Variants in TP73 observed in about 807,000 individuals in gnomAD.
TP73 encodes p53-like transcription factor.
A neutral mutation model predicts 62.5 loss-of-function variants in TP73; 25 were observed. That is an observed-to-expected ratio of 0.40 (90% CI 0.29 to 0.56). The LOEUF (loss-of-function observed/expected upper bound fraction) is 0.56, where lower values mean the gene tolerates loss of function less well. Among genes scored for constraint, TP73 ranks in the 20% least tolerant of loss-of-function variants. The pLI is 0.46. For missense variants in TP73, 754 were observed against 913.3 expected (o/e 0.83, Z 2.25); for synonymous variants, 423 against 377.5 (o/e 1.12, Z -1.40).
At chr1:3,676,159 C>G (rs144448250) in intron 1 of TP73, among the ~76,000 whole-genome samples, 1 of 121,918 alleles carries the variant, frequency 8.2e-6, no homozygotes, top group African/African-American at 3.2e-5. Flanking sequence ...GACAGGAGGA[C>G]GGGGACAGGG....
intron 4 of TP73, chr1:3,714,321 G>A (rs927351664): frequency 6.6e-6 from 1 of 152,362 alleles, no homozygotes; most frequent in South Asian, 2.1e-4. Flanking sequence ...GAGACTCCGG[G>A]ACTGTCCTGT....
chr1:3,685,182 C>T (rs371359359), intron 3 of TP73, among the ~76,000 whole-genome samples: 4 of 152,286 alleles, frequency 2.6e-5, no homozygotes, highest in Middle Eastern at 6.8e-3. Context: ...CACCCTGTGT[C>T]GGGAGGAGGA....
intron 4 of TP73, among the ~76,000 whole-genome samples, chr1:3,712,771 G>A (rs566124507): frequency 6.6e-6 from 1 of 152,168 alleles, no homozygotes; most frequent in Non-Finnish European, 1.5e-5. Flanking sequence ...TTTTACAGAT[G>A]AGGAAACTGA....
intron 6 of TP73, among the ~76,000 whole-genome samples, chr1:3,725,076 A>C (rs904525204): frequency 1.7e-4 from 26 of 152,088 alleles, no homozygotes; most frequent in Admixed American, 9.2e-4. Context: ...ATCCCTGGGA[A>C]ACAGGAGTGT....
In TP73 at chr1:3,734,049, G is replaced by C. The variant is rs1484343382; in HGVS notation, c.*970G>C. The C allele has an allele frequency of 1.3e-5, 2 of 152,098 alleles. No individual in the cohort carries two copies. The highest frequency in any genetic ancestry group is 4.8e-5 in the African/African-American group (2 of 41,388). The allele number at this position is 152,098 out of a possible 1,614,324, so 9.4% of individuals were successfully genotyped here. ...GGACTTGTTCCCAGGAAGGCCGGGTGGGGAGGAAGCCTAGAGGGAACCCCA... is the reference window on the plus strand; with the variant it reads ...GGACTTGTTCCCAGGAAGGCCGGGTCGGGAGGAAGCCTAGAGGGAACCCCA... On this transcript the variant is annotated 3_prime_UTR_variant, in exon 14 of 14. Transcript: ENST00000378295. The surrounding 1 kb of genome is among the most constrained non-coding windows in gnomAD (Gnocchi z 4.4).
At chr1:3,707,057 C>T (rs55657548) in intron 3 of TP73, among the ~76,000 whole-genome samples, 20,305 of 152,188 alleles carry the variant, frequency 0.13, 1,545 homozygotes, top group Non-Finnish European at 0.17. Context: ...TGGTCTCCAG[C>T]ACCTCAGGGG....
chr1:3,664,248 C>G (rs755161), intron 1 of TP73, among the ~76,000 whole-genome samples: 40,408 of 151,996 alleles, frequency 0.27, 5,593 homozygotes, highest in East Asian at 0.36. Context: ...TGTCCCCCTA[C>G]CAGAGGCGCT....
intron 4 of TP73, among the ~76,000 whole-genome samples, chr1:3,718,402 C>G (rs550905409): frequency 6.6e-6 from 1 of 152,312 alleles, no homozygotes; most frequent in African/African-American, 2.4e-5. Context: ...TCACCCTGCC[C>G]GGAGACCCAG....
At chr1:3,729,060 T>C (rs952080928) in intron 9 of TP73, among the ~76,000 whole-genome samples, 2 of 151,910 alleles carry the variant, frequency 1.3e-5, no homozygotes, top group African/African-American at 4.8e-5. Flanking sequence ...TATCTGTTGG[T>C]AGGGGAGGAA....
chr1:3,673,129 G>A (rs1039835823), intron 1 of TP73, among the ~76,000 whole-genome samples: 1 of 152,250 alleles, frequency 6.6e-6, no homozygotes, highest in Non-Finnish European at 1.5e-5. Flanking sequence ...GGCACTACCC[G>A]TTTCGAGGAC....
intron 1 of TP73, among the ~76,000 whole-genome samples, chr1:3,673,947 A>G (rs1645301843): frequency 6.6e-6 from 1 of 152,146 alleles, no homozygotes; most frequent in Non-Finnish European, 1.5e-5. Context: ...AGGTCAGGCC[A>G]GGGTAGAGCC....
rs116313323 is a variant in TP73, at chr1:3,732,669, G to A, written c.1579-78G>A. On this transcript the variant is annotated intron_variant, in intron 13 of 13. Transcript: ENST00000378295. Reference sequence around the variant, plus strand: ...TAGGGGCCAGGGTGTGGTGTGGCCAGACCTCCAGGCCCAGGGCGACCCCCC... The same window carrying A: ...TAGGGGCCAGGGTGTGGTGTGGCCAAACCTCCAGGCCCAGGGCGACCCCCC... 1.4e-4 allele frequency: 192 copies of A among 1,349,920 alleles called. No individual in the cohort carries two copies. The South Asian group carries it at 2.2e-3, about 16-fold the overall frequency. The allele number at this position is 1,349,920 out of a possible 1,614,324, so 83.6% of individuals were successfully genotyped here.
At chr1:3,653,410 T>G (rs1297817521) in intron 1 of TP73, among the ~76,000 whole-genome samples, 1 of 152,228 alleles carries the variant, frequency 6.6e-6, no homozygotes. Context: ...GAGCGATGAT[T>G]ACCTTTGCTC....
intron 3 of TP73, among the ~76,000 whole-genome samples, chr1:3,705,408 G>A (rs1165663374): frequency 7.9e-5 from 12 of 152,380 alleles, no homozygotes; most frequent in South Asian, 4.1e-4. Context: ...CAGTGGTGCC[G>A]GAGAGGTGGG....
At position 3,713,270 on chromosome 1, in the gene TP73, G is replaced by A. The variant is rs570736172; in HGVS notation, c.429+5479G>A. On this transcript the variant is annotated intron_variant, in intron 4 of 13. Coordinates refer to ENST00000378295, the MANE Select transcript of TP73 (RefSeq NM_005427.4). ...TCCGAGGCTGGCGAGCCTCATGGGC[G>A]AGAAGCCAGGCAGCTGGGCTTGGGG... Among the ~76,000 whole-genome samples, 426 of 152,310 alleles carry A rather than the reference G, an allele frequency of 2.8e-3. 3 individuals are homozygous for A. The highest frequency in any genetic ancestry group is 3.7e-3 in the Non-Finnish European group (253 of 68,018).
intron 3 of TP73, among the ~76,000 whole-genome samples, chr1:3,688,851 A>G (rs1002617869): frequency 2.0e-5 from 3 of 152,168 alleles, no homozygotes; most frequent in Non-Finnish European, 4.4e-5. Flanking sequence ...TGCTGAAGGC[A>G]GCCTGGCTGT....
At position 3,685,005 on chromosome 1, in the gene TP73, C is replaced by G. The variant is rs543541528; in HGVS notation, c.186+1825C>G. Among the ~76,000 whole-genome samples, 4 of 152,208 alleles carry G rather than the reference C, an allele frequency of 2.6e-5. No individual in the cohort carries two copies. In the South Asian group the frequency reaches 8.3e-4, roughly 32 times the overall value. On this transcript the variant is annotated intron_variant, in intron 3 of 13. Transcript: ENST00000378295. The stretch of plus-strand genomic sequence containing the variant: ...CCCTCCAGGTCCCCTTCTGGACATC[C>G]GTGTCCTCCAATCTGGGGAGGGGCA...
chr1:3,692,160 G>A (rs112950676), intron 3 of TP73, among the ~76,000 whole-genome samples: 1 of 152,146 alleles, frequency 6.6e-6, no homozygotes, highest in Non-Finnish European at 1.5e-5. Flanking sequence ...AGGTGTGATT[G>A]TGTGATTTGG....
At chr1:3,671,221 A>G (rs375288770) in intron 1 of TP73, among the ~76,000 whole-genome samples, 1 of 152,182 alleles carries the variant, frequency 6.6e-6, no homozygotes, top group East Asian at 1.9e-4. Context: ...CTGTCCCTGG[A>G]GAGGCGTGGG....
Sources: gnomAD v4.1 joint callset for allele counts (sites outside exome capture counted in the v4.1 genomes callset) on GRCh38, gnomAD v4.1.1 for gene constraint, Gnocchi (gnomAD v3.1) non-coding constraint, MANE v1.5 for transcripts, NCBI Gene and HGNC (gene_info 2026-07-23, HGNC 2026-07-21) for gene names.